The following ANKRD36C variants were observed in gnomAD, a reference collection of about 807,000 sequenced individuals.
The protein encoded by ANKRD36C is ankyrin repeat domain-containing protein 36C.
In ANKRD36C, 61 loss-of-function variants were observed where a neutral mutation model predicts 276.4. The observed-to-expected ratio is 0.22, with a 90% CI of 0.18 to 0.27. ANKRD36C has a LOEUF of 0.27. Among genes scored for constraint, ANKRD36C ranks in the 10% least tolerant of loss-of-function variants. The pLI, the probability that ANKRD36C is intolerant of heterozygous loss-of-function variation, is 1.00. For missense variants in ANKRD36C, 1,447 were observed against 2,032.3 expected (o/e 0.71, Z 5.54); for synonymous variants, 483 against 680.1 (o/e 0.71, Z 4.51).
chr2:95,894,238 T>C (rs1397349828), intron 44 of ANKRD36C: 1 of 173,768 alleles, frequency 5.8e-6, no homozygotes, highest in Non-Finnish European at 1.2e-5. Context: ...AGTGGAAGAG[T>C]CCTGAATTGA....
At chr2:95,914,974 T>C (rs1168969021) in intron 38 of ANKRD36C, among the ~76,000 whole-genome samples, 1 of 151,562 alleles carries the variant, frequency 6.6e-6, no homozygotes, top group Non-Finnish European at 1.5e-5. Context: ...CACCAAAGGA[T>C]AATATATTAA....
At chr2:95,967,209 A>T (rs1678609853) in intron 6 of ANKRD36C, among the ~76,000 whole-genome samples, 1 of 152,102 alleles carries the variant, frequency 6.6e-6, no homozygotes, top group African/African-American at 2.4e-5. Flanking sequence ...TGAAGAGGCA[A>T]CCTACAGAAT....
At chr2:95,874,524 T>G (rs1267806488) in intron 59 of ANKRD36C, among the ~76,000 whole-genome samples, 1 of 152,164 alleles carries the variant, frequency 6.6e-6, no homozygotes, top group Non-Finnish European at 1.5e-5. Context: ...ATACAAAAAT[T>G]AATTCAAGAT....
chr2:95,857,861 G>A (rs1254437694), intron 61 of ANKRD36C, among the ~76,000 whole-genome samples: 1 of 145,738 alleles, frequency 6.9e-6, no homozygotes, highest in Non-Finnish European at 1.5e-5. Context: ...CACCCTTTTG[G>A]GTCTGATAAG....
At chr2:95,922,270 C>G (rs1677292674) in intron 32 of ANKRD36C, among the ~76,000 whole-genome samples, 2 of 151,626 alleles carry the variant, frequency 1.3e-5, no homozygotes. Flanking sequence ...TACACATTTA[C>G]AGTGACACTT....
At chr2:95,967,688 C>A (rs1367873715) in intron 6 of ANKRD36C, among the ~76,000 whole-genome samples, 1 of 151,856 alleles carries the variant, frequency 6.6e-6, no homozygotes, top group Admixed American at 6.6e-5. Flanking sequence ...TACAGTGGCT[C>A]GTTCCTGTAA....
rs1394933731 is a variant in ANKRD36C, at chr2:95,989,911, A to T, written c.197+1601T>A. ...ATAGGTTGCTTGAATATCTGAAAAAAAAATGCTTTGCTCTATTTTAAATGA... is the reference window on the plus strand; with the variant it reads ...ATAGGTTGCTTGAATATCTGAAAAATAAATGCTTTGCTCTATTTTAAATGA... On this transcript the variant is annotated intron_variant, in intron 1 of 66. Transcript: ENST00000456556. 2.6e-5 allele frequency among the ~76,000 whole-genome samples: 4 copies of T among 152,216 alleles called. No homozygotes were observed. In the South Asian group the frequency reaches 8.3e-4, roughly 32 times the overall value.
chr2:95,858,037 T>C (rs1324239614), intron 61 of ANKRD36C, among the ~76,000 whole-genome samples: 1 of 152,046 alleles, frequency 6.6e-6, no homozygotes, highest in Non-Finnish European at 1.5e-5. Flanking sequence ...TAAATTTACC[T>C]ACAGCCTGGA....
intron 58 of ANKRD36C, among the ~76,000 whole-genome samples, chr2:95,876,853 CA>C (rs61043155): frequency 3.9e-3 from 332 of 84,172 alleles, no homozygotes; most frequent in African/African-American, 9.2e-3. Context: ...GACTGTGTCT[CA>C]AAAAAAAAAA....
chr2:95,942,247 C>T (rs1246416583), intron 19 of ANKRD36C, among the ~76,000 whole-genome samples: 1 of 152,176 alleles, frequency 6.6e-6, no homozygotes, highest in Non-Finnish European at 1.5e-5. Context: ...CTATGAAGAA[C>T]CCTGAAGTTT....
chr2:95,873,165 T>A (rs1388314137), intron 59 of ANKRD36C, among the ~76,000 whole-genome samples: 2 of 152,166 alleles, frequency 1.3e-5, no homozygotes, highest in Non-Finnish European at 2.9e-5. Context: ...TAACTCATTT[T>A]ATGAGGCCAG....
At chr2:95,892,998 G>A (rs972835421) in intron 44 of ANKRD36C, among the ~76,000 whole-genome samples, 10 of 150,634 alleles carry the variant, frequency 6.6e-5, no homozygotes, top group African/African-American at 2.4e-4. Flanking sequence ...TGCATCTGAA[G>A]TGAGTTCACT....
Position 95,921,821 on chromosome 2 carries a change from A to G in ANKRD36C, c.2144-11T>C. On this transcript the variant is annotated splice_polypyrimidine_tract_variant and intron_variant, in intron 32 of 66. Coordinates refer to ENST00000456556, the Ensembl canonical transcript of ANKRD36C. ...GTTTCTGAGAAGACACTGAAAAACA[A>G]AAGGGATAATCACTCATATGTAAAT... The G allele has an allele frequency of 1.3e-6, 2 of 1,595,980 alleles. No individual in the cohort carries two copies. The highest frequency in any genetic ancestry group is 1.7e-6 in the Non-Finnish European group (2 of 1,174,038).
In ANKRD36C at chr2:95,894,785, A is replaced by C. The variant is rs575653281; in HGVS notation, c.2756-2925T>G. Among the ~76,000 whole-genome samples the C allele has an allele frequency of 2.2e-4, 33 of 151,404 alleles. 1 individual carries two copies. Among genetic ancestry groups the C allele is most frequent in the African/African-American group, 5.8e-4 (24 of 41,384 alleles). On this transcript the variant is annotated intron_variant, in intron 44 of 66. Transcript: ENST00000456556. Reference sequence around the variant, plus strand: ...TTGTGTTTTTATGCCAATTCAAGAAATGTTTCCTGCTTCCAGAAATTGCTG... The same window carrying C: ...TTGTGTTTTTATGCCAATTCAAGAACTGTTTCCTGCTTCCAGAAATTGCTG...
chr2:95,881,831 CCT>C (rs1042275764), intron 56 of ANKRD36C, among the ~76,000 whole-genome samples: 1 of 141,048 alleles, frequency 7.1e-6, no homozygotes, highest in African/African-American at 2.7e-5. Flanking sequence ...CCTTGCAATC[CCT>C]CTTTCTTGAT....
chr2:95,880,281 T>C (rs1292463144), intron 58 of ANKRD36C, 146 bp downstream of exon 78: 1 of 1,072,996 alleles, frequency 9.3e-7, no homozygotes, highest in Admixed American at 3.0e-5. Flanking sequence ...TTTTTGAAAA[T>C]ATAAAAATGA....
chr2:95,873,715 T>C (rs1443534295), intron 59 of ANKRD36C, among the ~76,000 whole-genome samples: 2 of 152,154 alleles, frequency 1.3e-5, no homozygotes, highest in African/African-American at 4.8e-5. Context: ...GGGTATTCAA[T>C]TAGGAAAAGA....
At chr2:95,914,622 C>T (rs1016571096) in intron 38 of ANKRD36C, among the ~76,000 whole-genome samples, 15 of 151,494 alleles carry the variant, frequency 9.9e-5, no homozygotes, top group Non-Finnish European at 2.1e-4. Context: ...AGAGGAGAAA[C>T]TCACACACCT....
At chr2:95,943,888 T>C (rs1677964642) in intron 19 of ANKRD36C, among the ~76,000 whole-genome samples, 1 of 152,170 alleles carries the variant, frequency 6.6e-6, no homozygotes, top group South Asian at 2.1e-4. Flanking sequence ...GTACGTGTGA[T>C]GATTTGATCC....
Sources: gnomAD v4.1 joint callset for allele counts (sites outside exome capture counted in the v4.1 genomes callset) on GRCh38, gnomAD v4.1.1 for gene constraint, MANE v1.5 for transcripts, NCBI Gene and HGNC (gene_info 2026-07-23, HGNC 2026-07-21) for gene names.